CCDC160: variants seen among roughly 807,000 people sequenced by gnomAD.
CCDC160 encodes the protein coiled-coil domain-containing protein 160.
For synonymous variants in CCDC160, 94 were observed against 79.4 expected (o/e 1.18, Z -0.98); for missense variants, 227 against 215.6 (o/e 1.05, Z -0.33).
At chrX:134,240,089 T>C (rs2077022455) in intron 1 of CCDC160, among the ~76,000 whole-genome samples, 2 of 111,834 alleles carry the variant, frequency 1.8e-5, no homozygotes, top group South Asian at 7.5e-4. Flanking sequence ...GAATCTCCCC[T>C]ATAGGGGGCA....
chrX:134,245,875 T>C, downstream of CCDC160: 6 of 590,187 alleles, frequency 1.0e-5, no homozygotes, highest in Non-Finnish European at 1.5e-5. Context: ...TAATAGGATG[T>C]TATTTTCATT....
chrX:134,244,812 A>G, exon 2 of CCDC160: 1 of 1,166,681 alleles, frequency 8.6e-7, no homozygotes, highest in South Asian at 2.0e-5. Flanking sequence ...TGGATGCTAG[A>G]AGAAAACACT....
intron 1 of CCDC160, among the ~76,000 whole-genome samples, chrX:134,244,076 T>G (rs917802127): frequency 1.8e-5 from 2 of 111,993 alleles, no homozygotes; most frequent in African/African-American, 6.5e-5. Flanking sequence ...AGTCAGTATC[T>G]TGAGAAAAAC....
intron 1 of CCDC160, among the ~76,000 whole-genome samples, chrX:134,240,735 G>A (rs933155805): frequency 1.2e-4 from 10 of 85,959 alleles, no homozygotes; most frequent in African/African-American, 4.2e-4. Context: ...CCAGGCTGGA[G>A]TGCAGTGGCA....
intron 1 of CCDC160, among the ~76,000 whole-genome samples, chrX:134,238,529 C>G (rs185607327): frequency 9.2e-6 from 1 of 108,883 alleles, no homozygotes; most frequent in African/African-American, 3.3e-5. Context: ...CGTGCCACCA[C>G]GCCCGGCTAA....
intron 1 of CCDC160, among the ~76,000 whole-genome samples, chrX:134,242,368 A>C (rs1322460737): frequency 9.0e-6 from 1 of 111,409 alleles, no homozygotes; most frequent in Non-Finnish European, 1.9e-5. Flanking sequence ...ACAAGCACTG[A>C]CCTGAGAGAC....
At chrX:134,244,584 A>C (rs1035580017) in intron 1 of CCDC160, among the ~76,000 whole-genome samples, 193 bp from the exon 3 acceptor site, 1 of 111,941 alleles carries the variant, frequency 8.9e-6, no homozygotes, top group Non-Finnish European at 1.9e-5. Context: ...GCATCTGTAG[A>C]ACTTAGCTCT....
downstream of CCDC160, chrX:134,245,900 G>A (rs760009237): frequency 2.4e-5 from 12 of 509,797 alleles, no homozygotes; most frequent in Non-Finnish European, 3.3e-5. Flanking sequence ...GTAAATCACA[G>A]TATCTATAAA....
chrX:134,238,362 C>G (rs181022937), intron 1 of CCDC160, among the ~76,000 whole-genome samples: 8 of 102,642 alleles, frequency 7.8e-5, no homozygotes, highest in Non-Finnish European at 1.6e-4. Flanking sequence ...AAATATATCA[C>G]TTGTCTTTTT....
At chrX:134,240,757 C>T (rs774219750) in intron 1 of CCDC160, among the ~76,000 whole-genome samples, 13 of 89,069 alleles carry the variant, frequency 1.5e-4, no homozygotes, top group Non-Finnish European at 2.3e-4. Context: ...GATCATAGCT[C>T]ACTTCAGCCT....
downstream of CCDC160, among the ~76,000 whole-genome samples, chrX:134,246,510 T>A (rs1266158973): frequency 9.0e-6 from 1 of 111,139 alleles, no homozygotes; most frequent in African/African-American, 3.3e-5. Context: ...ACACAGTTCT[T>A]CCAAAACTCG....
At chrX:134,241,327 ATTTAT>A (rs1425353264) in intron 1 of CCDC160, among the ~76,000 whole-genome samples, 1 of 111,796 alleles carries the variant, frequency 8.9e-6, no homozygotes, top group Non-Finnish European at 1.9e-5. Flanking sequence ...TTCATATTCA[ATTTAT>A]TTTATCAGTG....
downstream of CCDC160, among the ~76,000 whole-genome samples, chrX:134,246,719 G>C (rs2124133310): frequency 9.1e-6 from 1 of 109,772 alleles, no homozygotes; most frequent in East Asian, 3.0e-4. Flanking sequence ...CAATCCTTGG[G>C]TGGAAGTGAT....
intron 1 of CCDC160, 25 bp from the exon 3 acceptor site, chrX:134,244,752 C>T (rs756936691): frequency 2.7e-6 from 3 of 1,113,794 alleles, no homozygotes; most frequent in Admixed American, 3.7e-5. Context: ...ATGTGCCTGC[C>T]TTGGTTTTAA....
At chrX:134,244,811 G>C in exon 2 of CCDC160, 1 of 1,165,817 alleles carries the variant, frequency 8.6e-7, no homozygotes, top group Non-Finnish European at 1.1e-6. Context: ...ATGGATGCTA[G>C]AAGAAAACAC....
intron 1 of CCDC160, among the ~76,000 whole-genome samples, chrX:134,242,485 G>A (rs1210248088): frequency 9.1e-6 from 1 of 110,294 alleles, no homozygotes; most frequent in East Asian, 2.9e-4. Context: ...AGCTATATAG[G>A]CTTCACTGAA....
intron 1 of CCDC160, among the ~76,000 whole-genome samples, chrX:134,242,240 C>T (rs2077029638): frequency 3.6e-5 from 4 of 111,867 alleles, no homozygotes; most frequent in African/African-American, 1.3e-4. Context: ...CTCCCCCCTT[C>T]ACTTTTCCTC....
chrX:134,245,164 A>G, exon 2 of CCDC160: 1 of 1,198,982 alleles, frequency 8.3e-7, no homozygotes, highest in Non-Finnish European at 1.1e-6. Flanking sequence ...TACCTGCAGT[A>G]CAGATAACTT....
chrX:134,245,238 C>T (rs369640453), exon 2 of CCDC160: 3 of 1,191,999 alleles, frequency 2.5e-6, no homozygotes, highest in African/African-American at 1.8e-5. Context: ...CAAAACTTTG[C>T]CTGAATCTTT....
Sources: gnomAD v4.1 joint callset for allele counts (sites outside exome capture counted in the v4.1 genomes callset) on GRCh38, gnomAD v4.1.1 for gene constraint, MANE v1.5 for transcripts, NCBI Gene and HGNC (gene_info 2026-07-23, HGNC 2026-07-21) for gene names.